The following DENR variants were observed in gnomAD, a reference collection of about 807,000 sequenced individuals.
The protein encoded by DENR is density regulated re-initiation and release factor.
Under a neutral mutation model 30.6 loss-of-function variants are expected in DENR, and 6 were observed. The observed-to-expected ratio is 0.20, with a 90% CI of 0.11 to 0.39. The LOEUF is 0.39. DENR is among the 10% of genes least tolerant of loss of function. DENR has a pLI of 1.00. For synonymous variants in DENR, 78 were observed against 72.1 expected (o/e 1.08, Z -0.41); for missense variants, 141 against 230.9 (o/e 0.61, Z 2.52).
chr12:122,755,539 A>G (rs1007042750), intron 2 of DENR, among the ~76,000 whole-genome samples: 1 of 152,220 alleles, frequency 6.6e-6, no homozygotes, highest in African/African-American at 2.4e-5. Flanking sequence ...AGATCACGCC[A>G]TTGCACTCCC....
intron 2 of DENR, among the ~76,000 whole-genome samples, chr12:122,758,733 A>G (rs538010356): frequency 6.6e-6 from 1 of 152,232 alleles, no homozygotes; most frequent in South Asian, 2.1e-4. Flanking sequence ...TAAGCCCAGG[A>G]GTTCAAGGCT....
intron 1 of DENR, 111 bp from the exon 2 acceptor site, chr12:122,753,582 C>T (rs916053102): frequency 1.3e-6 from 1 of 775,068 alleles, no homozygotes; most frequent in African/African-American, 1.7e-5. Context: ...CCCCACTCAA[C>T]AACAGACTTG....
intron 2 of DENR, among the ~76,000 whole-genome samples, chr12:122,756,320 G>A (rs1878548213): frequency 6.6e-6 from 1 of 152,138 alleles, no homozygotes; most frequent in South Asian, 2.1e-4. Flanking sequence ...ATAGTGGCAG[G>A]CGCCTGTAAT....
chr12:122,762,306 T>A, intron 3 of DENR, 100 bp downstream of exon 3: 1 of 847,714 alleles, frequency 1.2e-6, no homozygotes, highest in Non-Finnish European at 1.8e-6. Flanking sequence ...TTTTGATTAT[T>A]TGATAGTAAA....
intron 2 of DENR, among the ~76,000 whole-genome samples, chr12:122,757,468 GA>G (rs1305252860): frequency 6.6e-6 from 1 of 151,948 alleles, no homozygotes; most frequent in Non-Finnish European, 1.5e-5. Flanking sequence ...TGGGAGAACT[GA>G]AAAAAGGGAA....
At position 122,771,010 on chromosome 12, in the gene DENR, C is replaced by G. The variant is rs940191054; in HGVS notation, c.*1932C>G. ...AATGCAGTTACAATCCATAGATAGC[C>G]AGCAGTGGATGTTACTCCAGGAAAA... On this transcript the variant is annotated 3_prime_UTR_variant, in exon 8 of 8. Coordinates refer to ENST00000280557, the MANE Select transcript of DENR (RefSeq NM_003677.5). 1.5e-5 allele frequency: 5 copies of G among 337,350 alleles called. No individual in the cohort carries two copies. Among genetic ancestry groups the G allele is most frequent in the African/African-American group, 1.1e-4 (5 of 47,360 alleles). 20.9% of individuals were successfully genotyped at this position (337,350 alleles called of 1,614,324 possible). A position where few individuals can be genotyped will look rare whatever the true frequency, so the allele number is the denominator to read the frequency against.
intron 5 of DENR, among the ~76,000 whole-genome samples, chr12:122,765,916 T>A (rs1878835777): frequency 6.6e-6 from 1 of 152,298 alleles, no homozygotes; most frequent in South Asian, 2.1e-4. Flanking sequence ...GTTTTACGGC[T>A]GTTGCATACA....
At chr12:122,761,741 A>C in intron 2 of DENR, among the ~76,000 whole-genome samples, 1 of 151,972 alleles carries the variant, frequency 6.6e-6, no homozygotes, top group Non-Finnish European at 1.5e-5. Context: ...GAGCCCCTGG[A>C]GGGGTGGAGG....
Position 122,752,831 on chromosome 12 carries a change from G to T in DENR, c.-129G>T, listed in dbSNP as rs1375527183. ...TCGCGATAAAGGCTCATTGTCTCGC[G>T]GGAGCGCTGCTGGCGGTCGGGCGCT... On this transcript the variant is annotated 5_prime_UTR_variant, in exon 1 of 8. Coordinates refer to ENST00000280557, the MANE Select transcript of DENR (RefSeq NM_003677.5). 6.6e-6 allele frequency: 1 copy of T among 152,356 alleles called. No individual in the cohort carries two copies. Among genetic ancestry groups the T allele is most frequent in the African/African-American group, 2.4e-5 (1 of 41,476 alleles). 9.4% of individuals were successfully genotyped at this position (152,356 alleles called of 1,614,324 possible). A position where few individuals can be genotyped will look rare whatever the true frequency, so the allele number is the denominator to read the frequency against.
rs1014625372 is a variant in DENR at position 122,770,291 on chromosome 12, TAAAG to T, written c.*1216_*1219del. The T allele has an allele frequency of 3.3e-5, 7 of 213,730 alleles. No homozygotes were observed. The highest frequency in any genetic ancestry group is 5.5e-5 in the Non-Finnish European group (6 of 109,742). 13.2% of individuals were successfully genotyped at this position (213,730 alleles called of 1,614,324 possible). The stretch of plus-strand genomic sequence containing the variant: ...TATAAATGAACAATTGGGAAATGGT[TAAAG>T]AAGTGATGGTGCATTGTGTGGTAGA... On this transcript the variant is annotated 3_prime_UTR_variant, in exon 8 of 8. Coordinates refer to ENST00000280557, the MANE Select transcript of DENR (RefSeq NM_003677.5).
intron 2 of DENR, among the ~76,000 whole-genome samples, chr12:122,758,584 C>A (rs900941107): frequency 3.3e-5 from 5 of 152,066 alleles, no homozygotes; most frequent in Admixed American, 6.6e-5. Context: ...GCAGGCAGAT[C>A]ATCTGAGCTC....
chr12:122,768,143 CACTTACATA>C, intron 6 of DENR: 1 of 152,588 alleles, frequency 6.6e-6, no homozygotes, highest in Non-Finnish European at 1.5e-5. Flanking sequence ...TGATCACAAC[CACTTACATA>C]TTTCTTTGTT....
At chr12:122,762,159 C>A (rs1443498241) in intron 2 of DENR, 28 bp from the exon 3 acceptor site, 1 of 1,394,144 alleles carries the variant, frequency 7.2e-7, no homozygotes, top group East Asian at 2.5e-5. Context: ...TTTAACATTT[C>A]AAATCTTTTT....
At chr12:122,762,323 A>T in intron 3 of DENR, 117 bp downstream of exon 3, 1 of 711,932 alleles carries the variant, frequency 1.4e-6, no homozygotes, top group Non-Finnish European at 2.2e-6. Context: ...TAAAGCTTTA[A>T]CCTTTTATAG....
intron 5 of DENR, among the ~76,000 whole-genome samples, chr12:122,766,051 A>C (rs1419457937): frequency 7.1e-6 from 1 of 140,712 alleles, no homozygotes; most frequent in Non-Finnish European, 1.6e-5. Context: ...TTGCATCTTC[A>C]AAAAAAAAAA....
chr12:122,758,455 A>G (rs1408460283), intron 2 of DENR, among the ~76,000 whole-genome samples: 2 of 152,196 alleles, frequency 1.3e-5, no homozygotes, highest in African/African-American at 2.4e-5. Context: ...AGTGCATTTT[A>G]TCAAGAGGTA....
intron 6 of DENR, 34 bp downstream of exon 6, chr12:122,767,638 G>A (rs1364626744): frequency 7.8e-7 from 1 of 1,274,780 alleles, no homozygotes; most frequent in East Asian, 2.6e-5. Flanking sequence ...TAAAATGTGT[G>A]AACTATTTTC....
chr12:122,770,894 G>A lies in DENR; in HGVS notation c.*1816G>A, dbSNP rs878913326. ...ATCGAGACTATCTGGTATGCGTTAT[G>A]TATGTAGTCTGTTGCTGCTGAAAGA... On this transcript the variant is annotated 3_prime_UTR_variant, in exon 8 of 8. Coordinates refer to ENST00000280557, the MANE Select transcript of DENR (RefSeq NM_003677.5). 2 of 395,164 alleles carry A rather than the reference G, an allele frequency of 5.1e-6. No homozygotes were observed. Among genetic ancestry groups the A allele is most frequent in the Admixed American group, 8.8e-5 (2 of 22,606 alleles). The allele number at this position is 395,164 out of a possible 1,614,324, so 24.5% of individuals were successfully genotyped here. A position where few individuals can be genotyped will look rare whatever the true frequency, so the allele number is the denominator to read the frequency against.
chr12:122,764,415 C>T (rs1378424904), intron 4 of DENR, among the ~76,000 whole-genome samples: 3 of 152,056 alleles, frequency 2.0e-5, no homozygotes, highest in African/African-American at 4.8e-5. Context: ...CTGGCTAACA[C>T]GGTGAAACCC....
Sources: allele counts gnomAD v4.1 joint callset (sites outside exome capture counted in the v4.1 genomes callset), GRCh38; gene constraint gnomAD v4.1.1; transcripts MANE v1.5; gene names NCBI Gene and HGNC (gene_info 2026-07-23, HGNC 2026-07-21).